MAL: variants seen among roughly 807,000 people sequenced by gnomAD.
MAL encodes the protein myelin and lymphocyte protein.
MAL carries 5 observed loss-of-function variants against 16.7 expected under a neutral mutation model. The observed-to-expected ratio is 0.30, with a 90% CI of 0.16 to 0.63. The LOEUF (loss-of-function observed/expected upper bound fraction) is 0.63. Ranked by LOEUF, MAL falls within the 30% of genes least tolerant of loss-of-function variation. MAL has a pLI of 0.82. For synonymous variants in MAL, 96 were observed against 85.5 expected (o/e 1.12, Z -0.67); for missense variants, 202 against 195.8 (o/e 1.03, Z -0.19).
chr2:95,053,397 C>A lies in MAL; in HGVS notation c.404C>A (p.Ala135Asp), dbSNP rs756956650. Residue 135 changes from alanine (A) to aspartate (D), a missense_variant, in exon 4 of 4, where the codon GCC becomes GAC. Ala to Asp is a moderately radical substitution (Grantham distance 126). Transcript: ENST00000309988. ...NIAAVVFSYI[A>D]TLLYVVHAVF... ...TGGTTCCAGGTGTTCTCCTACATAG[C>A]CACTCTGCTCTACGTGGTCCATGCG... The A allele has an allele frequency of 6.2e-7, 1 of 1,613,004 alleles. No individual in the cohort carries two copies. The highest frequency in any genetic ancestry group is 1.1e-5 in the South Asian group (1 of 91,042).
chr2:95,040,755 T>A (rs1386418783), intron 1 of MAL, among the ~76,000 whole-genome samples: 1 of 152,164 alleles, frequency 6.6e-6, no homozygotes, highest in African/African-American at 2.4e-5. Context: ...GGCGGGGACA[T>A]CTCTTCTTTT....
At chr2:95,028,616 T>C (rs532307462) in intron 1 of MAL, among the ~76,000 whole-genome samples, 1 of 152,330 alleles carries the variant, frequency 6.6e-6, no homozygotes, top group Admixed American at 6.5e-5. Context: ...GGCACATGCA[T>C]GTTCATAGCA....
intron 1 of MAL, among the ~76,000 whole-genome samples, chr2:95,032,853 G>T (rs147187158): frequency 6.6e-6 from 1 of 152,164 alleles, no homozygotes; most frequent in East Asian, 1.9e-4. Context: ...GCTCTCTGCC[G>T]CTGCTACCTC....
At chr2:95,043,560 G>A (rs1674519274) in intron 1 of MAL, among the ~76,000 whole-genome samples, 1 of 152,234 alleles carries the variant, frequency 6.6e-6, no homozygotes, top group Non-Finnish European at 1.5e-5. Flanking sequence ...GGAGCTGGCA[G>A]GGCGCCTCTG....
rs1463810711 is a variant in MAL, at chr2:95,036,687, G to A, written c.93+10802G>A. On this transcript the variant is annotated intron_variant, in intron 1 of 3. Transcript: ENST00000309988. The stretch of plus-strand genomic sequence containing the variant: ...TGAGTGACTGAGTGACTAACTGAGT[G>A]ACTGAGTGAGTGAGTGACTGAGTGA... Among the ~76,000 whole-genome samples, 4 of 152,156 alleles carry A rather than the reference G, an allele frequency of 2.6e-5. No homozygotes were observed. The Middle Eastern group carries it at 9.5e-3, about 361-fold the overall frequency.
In MAL at chr2:95,049,619, C is replaced by T. The variant is rs764966929; in HGVS notation, c.300C>T (p.Leu100=). 6.2e-7 allele frequency: 1 copy of T among 1,614,240 alleles called. No homozygotes were observed. ...ACTGCACCGCTGCCCTCTTTTACCTCAGCGCCTCAGTCCTGGAGGCCCTGG... is the reference window on the plus strand; with the variant it reads ...ACTGCACCGCTGCCCTCTTTTACCTTAGCGCCTCAGTCCTGGAGGCCCTGG... The part of the protein sequence containing the change: ...AYHCTAALFY[L]SASVLEALAT... The change falls in exon 3 of 4, where the codon CTC becomes CTT. Residue 100 remains leucine, a synonymous_variant. Transcript: ENST00000309988.
chr2:95,029,355 A>AT (rs1674022393), intron 1 of MAL, among the ~76,000 whole-genome samples: 1 of 152,216 alleles, frequency 6.6e-6, no homozygotes. Flanking sequence ...TACACATGGC[A>AT]TTGTTTTACA....
At chr2:95,037,911 GGTGAGTGAGTGACTGAGTGA>G (rs1674286254) in intron 1 of MAL, among the ~76,000 whole-genome samples, 1 of 68,322 alleles carries the variant, frequency 1.5e-5, no homozygotes. Flanking sequence ...TGAGTGACTT[GGTGAGTGAGTGACTGAGTGA>G]GTGAGTGAGT....
In MAL at chr2:95,049,632, C is replaced by G; in HGVS notation, c.313C>G (p.Leu105Val). The change falls in exon 3 of 4, where the codon CTG (leucine) becomes GTG (valine). Residue 105 changes from leucine (L) to valine (V), a missense_variant. Coordinates refer to ENST00000309988, the MANE Select transcript of MAL (RefSeq NM_002371.4). Reference protein sequence around the residue: ...AALFYLSASVLEALATITMQD... With the variant: ...AALFYLSASVVEALATITMQD... ...CCTCTTTTACCTCAGCGCCTCAGTC[C>G]TGGAGGCCCTGGCCACCATCACGAT... is the stretch of plus-strand genomic sequence containing the variant. 1.2e-6 allele frequency: 2 copies of G among 1,614,228 alleles called. No individual in the cohort carries two copies. Among genetic ancestry groups the G allele is most frequent in the East Asian group, 2.2e-5 (1 of 44,878 alleles).
chr2:95,034,766 G>C (rs1480819783), intron 1 of MAL, among the ~76,000 whole-genome samples: 1 of 152,140 alleles, frequency 6.6e-6, no homozygotes, highest in East Asian at 1.9e-4. Flanking sequence ...GTCAGGTTGG[G>C]GGCAGCAGTG....
At chr2:95,044,361 C>T (rs185286753) in intron 1 of MAL, 18 of 152,296 alleles carry the variant, frequency 1.2e-4, no homozygotes, top group Admixed American at 5.9e-4. Context: ...TTCTGAAAAC[C>T]AGGGAATCAT....
At chr2:95,050,187 T>C (rs1312389725) in intron 3 of MAL, among the ~76,000 whole-genome samples, 12 of 152,158 alleles carry the variant, frequency 7.9e-5, no homozygotes, top group Admixed American at 7.9e-4. Context: ...GAGTCTGACC[T>C]CATGGGTCTC....
chr2:95,053,606 G>C lies in MAL; in HGVS notation c.*151G>C, dbSNP rs1391067633. Reference sequence around the variant, plus strand: ...TGCCCAAAAAAAAAAGCCCTGCCCTGTTGCTCGTGGGTGCTGTGTTTACTC... The same window carrying C: ...TGCCCAAAAAAAAAAGCCCTGCCCTCTTGCTCGTGGGTGCTGTGTTTACTC... On this transcript the variant is annotated 3_prime_UTR_variant, in exon 4 of 4. Coordinates refer to ENST00000309988, the MANE Select transcript of MAL (RefSeq NM_002371.4). 3.1e-6 allele frequency: 2 copies of C among 640,554 alleles called. No homozygotes were observed. Among genetic ancestry groups the C allele is most frequent in the African/African-American group, 3.7e-5 (2 of 54,570 alleles). The allele number at this position is 640,554 out of a possible 1,614,324, so 39.7% of individuals were successfully genotyped here. A position where few individuals can be genotyped will look rare whatever the true frequency, so the allele number is the denominator to read the frequency against.
At chr2:95,030,357 C>A (rs554302133) in intron 1 of MAL, among the ~76,000 whole-genome samples, 1 of 152,326 alleles carries the variant, frequency 6.6e-6, no homozygotes, top group South Asian at 2.1e-4. Context: ...CCTCCTCCAA[C>A]AAAACCCAGG....
At chr2:95,044,397 G>T (rs1437983414) in intron 1 of MAL, 2 of 152,188 alleles carry the variant, frequency 1.3e-5, no homozygotes, top group South Asian at 4.1e-4. Flanking sequence ...GAACTGCATG[G>T]GCTGTGAATT....
At chr2:95,049,788 T>G (rs1674678253) in intron 3 of MAL, 82 bp downstream of exon 3, 1 of 1,568,378 alleles carries the variant, frequency 6.4e-7, no homozygotes, top group Non-Finnish European at 8.7e-7. Context: ...CCTAGGCCCT[T>G]GGTCTGTTTT....
chr2:95,039,680 GTGAC>G (rs1449083864), intron 1 of MAL, among the ~76,000 whole-genome samples: 4 of 149,910 alleles, frequency 2.7e-5, no homozygotes, highest in Non-Finnish European at 5.9e-5. Context: ...GACTGAGTGA[GTGAC>G]TGAGTGAGTG....
rs562950273 is a variant in MAL at position 95,041,575 on chromosome 2, C to T, written c.94-6384C>T. Among the ~76,000 whole-genome samples the T allele has an allele frequency of 8.5e-5, 13 of 152,264 alleles. No individual in the cohort carries two copies. The East Asian group carries it at 2.5e-3, about 29-fold the overall frequency. ...CCTGCAGATATAACCTGAGTCACAACTACTGTTATCACTACTTTTCAGATG... is the reference window on the plus strand; with the variant it reads ...CCTGCAGATATAACCTGAGTCACAATTACTGTTATCACTACTTTTCAGATG... On this transcript the variant is annotated intron_variant, in intron 1 of 3. Coordinates refer to ENST00000309988, the MANE Select transcript of MAL (RefSeq NM_002371.4).
In MAL at chr2:95,049,678, G is replaced by T; in HGVS notation, c.359G>T (p.Arg120Met). The change falls in exon 3 of 4, where the codon AGG (arginine) becomes ATG (methionine). Residue 120 changes from arginine (R) to methionine (M), a missense_variant. By Grantham distance (91) the Arg-to-Met change is moderately conservative (BLOSUM62 -1). Transcript: ENST00000309988. ...ACGATGCAAGACGGCTTCACCTACA[G>T]GCACTACCATGAAAACATTGCTGCC... ...TITMQDGFTY[R>M]HYHENIAAVV... 6.2e-7 allele frequency: 1 copy of T among 1,614,200 alleles called. No homozygotes were observed. The highest frequency in any genetic ancestry group is 8.5e-7 in the Non-Finnish European group (1 of 1,180,032).
Sources: allele counts gnomAD v4.1 joint callset (sites outside exome capture counted in the v4.1 genomes callset), GRCh38; gene constraint gnomAD v4.1.1; transcripts MANE v1.5; gene names NCBI Gene and HGNC (gene_info 2026-07-23, HGNC 2026-07-21).